Variants in SPACA6 observed in about 807,000 individuals in gnomAD.
SPACA6 encodes sperm acrosome associated 6.
For synonymous variants in SPACA6, 6 were observed against 1.5 expected, an observed-to-expected ratio of 4.05 and a Z score of -2.21; for missense variants, 8 against 2.8, an observed-to-expected ratio of 2.88 and a Z score of -1.34.
At chr19:51,707,526 A>G (rs1599786368), downstream of SPACA6, among the ~76,000 whole-genome samples, 1 of 151,978 alleles carries the variant, frequency 6.6e-6, no homozygotes, top group East Asian at 1.9e-4. Context: ...CTGGCCAGAA[A>G]ACTGTTTCTC....
chr19:51,709,899 G>T (rs1369950059), downstream of SPACA6, among the ~76,000 whole-genome samples: 1 of 152,132 alleles, frequency 6.6e-6, no homozygotes, highest in African/African-American at 2.4e-5. Flanking sequence ...AAGGAGAGAG[G>T]CCAAGAGTAA....
upstream of SPACA6, among the ~76,000 whole-genome samples, chr19:51,692,291 G>A (rs1021415472): frequency 1.3e-5 from 2 of 151,906 alleles, no homozygotes; most frequent in Admixed American, 6.5e-5. This position sits in a 1 kb window ranked among gnomAD's most constrained non-coding sequence, Gnocchi z 5.6. Flanking sequence ...GCCTTCCCCA[G>A]GAGGCCTGCC....
chr19:51,704,820 C>T lies in SPACA6; in HGVS notation c.942-270C>T, dbSNP rs1600144372. On this transcript the variant is annotated intron_variant, in intron 8 of 8. Transcript: ENST00000637797. ...AGTCCAAGTCCCCAGTCCCCTCCTC[C>T]CGCAGATCCAAGAGTCCAAGCCCCC... 7.4e-5 allele frequency: 27 copies of T among 366,666 alleles called. No individual in the cohort carries two copies. The East Asian group carries it at 1.1e-3, about 15-fold the overall frequency. 22.7% of individuals were successfully genotyped at this position (366,666 alleles called of 1,614,324 possible).
downstream of SPACA6, among the ~76,000 whole-genome samples, chr19:51,708,368 G>A (rs554418281): frequency 5.3e-4 from 80 of 152,182 alleles, no homozygotes; most frequent in Middle Eastern, 3.4e-3. Flanking sequence ...AGTAAAATAC[G>A]AAATATGGTA....
chr19:51,699,930 A>G (rs999746589), intron 2 of SPACA6, among the ~76,000 whole-genome samples: 1 of 152,134 alleles, frequency 6.6e-6, no homozygotes, highest in African/African-American at 2.4e-5. Context: ...ACAAGCCACA[A>G]ACCCATACAA....
At chr19:51,695,229 C>T (rs1443146033) in intron 2 of SPACA6, among the ~76,000 whole-genome samples, 6 of 152,174 alleles carry the variant, frequency 3.9e-5, no homozygotes, top group African/African-American at 1.4e-4. Context: ...GCACATGTGA[C>T]AGCCTTGAGG....
At chr19:51,684,424 C>A (rs2083319230), upstream of SPACA6, among the ~76,000 whole-genome samples, 1 of 152,154 alleles carries the variant, frequency 6.6e-6, no homozygotes, top group African/African-American at 2.4e-5. Flanking sequence ...AAACATCACA[C>A]CCATTTTCCC....
chr19:51,693,866 C>A, intron 1 of SPACA6, 126 bp downstream of exon 1: 1 of 399,420 alleles, frequency 2.5e-6, no homozygotes. Flanking sequence ...GCTCAAAGAC[C>A]ATGAGAACAA....
upstream of SPACA6, chr19:51,687,518 AT>A (rs1325671086): frequency 6.6e-6 from 1 of 151,092 alleles, no homozygotes; most frequent in Non-Finnish European, 1.5e-5. Flanking sequence ...AAGGTGCAGA[AT>A]AATGTGATCC....
intron 2 of SPACA6, among the ~76,000 whole-genome samples, chr19:51,696,148 AAGT>A (rs1197462294): frequency 2.6e-5 from 4 of 152,040 alleles, no homozygotes; most frequent in Admixed American, 2.6e-4. Flanking sequence ...AGCAGTGAAG[AAGT>A]AGGGGCAGCT....
downstream of SPACA6, among the ~76,000 whole-genome samples, chr19:51,708,469 G>A (rs967002392): frequency 3.3e-5 from 5 of 152,206 alleles, no homozygotes; most frequent in Non-Finnish European, 7.3e-5. Flanking sequence ...CACTGAGAAA[G>A]TGACGTTTGA....
chr19:51,711,787 G>T (rs1299879098), intron 2 of SPACA6, among the ~76,000 whole-genome samples: 1 of 149,690 alleles, frequency 6.7e-6, no homozygotes, highest in African/African-American at 2.5e-5. Flanking sequence ...ACAAAAAAAA[G>T]CACATACTGC....
At chr19:51,695,061 TACACTC>T (rs1340610215) in intron 2 of SPACA6, among the ~76,000 whole-genome samples, 1 of 152,004 alleles carries the variant, frequency 6.6e-6, no homozygotes, top group African/African-American at 2.4e-5. Flanking sequence ...CTCAGAGACA[TACACTC>T]ACACTCACAC....
At chr19:51,700,828 G>C (rs2083463305) in intron 2 of SPACA6, among the ~76,000 whole-genome samples, 1 of 152,180 alleles carries the variant, frequency 6.6e-6, no homozygotes. Flanking sequence ...GGTTAGATTT[G>C]TGGTGATGGA....
At chr19:51,709,873 G>A (rs1250730196), downstream of SPACA6, among the ~76,000 whole-genome samples, 2 of 152,190 alleles carry the variant, frequency 1.3e-5, no homozygotes, top group East Asian at 3.9e-4. Context: ...TGATGGTTCA[G>A]AATGTTGGAT....
At chr19:51,710,349 T>C (rs2083536246), downstream of SPACA6, among the ~76,000 whole-genome samples, 1 of 152,170 alleles carries the variant, frequency 6.6e-6, no homozygotes, top group African/African-American at 2.4e-5. Flanking sequence ...AAAGAATGCA[T>C]GAATGGGAAA....
intron 3 of SPACA6, 73 bp downstream of exon 3, chr19:51,701,799 A>T: frequency 2.5e-6 from 1 of 392,728 alleles, no homozygotes; most frequent in Admixed American, 4.4e-5. Flanking sequence ...TTGGCCGGGG[A>T]TGGTGGCTCA....
chr19:51,684,673 C>T (rs1202922206), upstream of SPACA6, among the ~76,000 whole-genome samples: 2 of 152,164 alleles, frequency 1.3e-5, no homozygotes, highest in Non-Finnish European at 2.9e-5. Context: ...TTGGGCTGCA[C>T]ATAAAATACA....
chr19:51,682,860 T>C, the SPACA6 span, among the ~76,000 whole-genome samples: 1 of 152,188 alleles, frequency 6.6e-6, no homozygotes, highest in East Asian at 1.9e-4. Flanking sequence ...CTAGCCAACA[T>C]GGTAAGATCC....
Sources: gnomAD v4.1 joint callset for allele counts (sites outside exome capture counted in the v4.1 genomes callset) on GRCh38, gnomAD v4.1.1 for gene constraint, Gnocchi (gnomAD v3.1) non-coding constraint, MANE v1.5 for transcripts, NCBI Gene and HGNC (gene_info 2026-07-23, HGNC 2026-07-21) for gene names.